Variants in AOPEP observed in about 807,000 individuals in gnomAD.
AOPEP encodes the protein aminopeptidase O.
Under a neutral mutation model 98.1 loss-of-function variants are expected in AOPEP, and 77 were observed. The observed-to-expected ratio is 0.78, with a 90% CI of 0.65 to 0.95. The LOEUF is 0.95. Ranked by LOEUF, AOPEP falls within the 40% of genes least tolerant of loss-of-function variation. The probability of loss-of-function intolerance (pLI) is 0.00; values close to 1 mark genes in which losing one functional copy is unlikely to be tolerated. For synonymous variants in AOPEP, 346 were observed against 365.3 expected (o/e 0.95, Z 0.60); for missense variants, 1,024 against 1,024.7 (o/e 1.00, Z 0.01).
At chr9:94,925,842 C>T (rs982850196) in intron 6 of AOPEP, among the ~76,000 whole-genome samples, 7 of 152,194 alleles carry the variant, frequency 4.6e-5, no homozygotes, top group East Asian at 1.9e-4. Context: ...CCCAAGCCTC[C>T]GTTTCCTCAT....
intron 9 of AOPEP, among the ~76,000 whole-genome samples, chr9:94,960,568 C>T (rs1350625273): frequency 1.3e-5 from 2 of 152,130 alleles, no homozygotes; most frequent in Admixed American, 1.3e-4. Context: ...GTAATCTTGG[C>T]TTGTTAAAGG....
At chr9:95,014,798 A>G (rs1372182994) in intron 13 of AOPEP, among the ~76,000 whole-genome samples, 2 of 152,238 alleles carry the variant, frequency 1.3e-5, no homozygotes, top group Non-Finnish European at 2.9e-5. Context: ...TTATATGTGC[A>G]TAGAGAAACA....
chr9:95,114,109 C>A, the AOPEP span: 1 of 185,416 alleles, frequency 5.4e-6, no homozygotes, highest in Non-Finnish European at 1.2e-5. Context: ...ACAAACCAAC[C>A]AACCCAGAAT....
chr9:94,888,964 G>C (rs1454683359), intron 5 of AOPEP, among the ~76,000 whole-genome samples: 2 of 152,018 alleles, frequency 1.3e-5, no homozygotes, highest in African/African-American at 4.8e-5. Context: ...TTGCCTCAAG[G>C]CTCCCTCATA....
At chr9:94,785,299 G>C (rs1844181366) in intron 3 of AOPEP, among the ~76,000 whole-genome samples, 1 of 152,200 alleles carries the variant, frequency 6.6e-6, no homozygotes, top group Admixed American at 6.5e-5. Flanking sequence ...TTCTGTTATA[G>C]CTGCAAAAAG....
chr9:94,773,740 A>C (rs923484277), intron 3 of AOPEP, among the ~76,000 whole-genome samples: 3 of 152,190 alleles, frequency 2.0e-5, no homozygotes, highest in Non-Finnish European at 2.9e-5. Context: ...TTTTCAGTGG[A>C]GATCCTGAGC....
chr9:95,078,958 G>A (rs1270297645), intron 14 of AOPEP, among the ~76,000 whole-genome samples: 1 of 152,234 alleles, frequency 6.6e-6, no homozygotes, highest in Non-Finnish European at 1.5e-5. Context: ...ACTCTTTCTT[G>A]TATAGTGTGT....
At chr9:95,051,143 G>A (rs1260961685) in intron 13 of AOPEP, among the ~76,000 whole-genome samples, 1 of 136,380 alleles carries the variant, frequency 7.3e-6, no homozygotes, top group African/African-American at 2.7e-5. Flanking sequence ...AGGCTGAAGT[G>A]CAATGGCGTG....
chr9:95,037,763 T>A (rs1254380834), intron 13 of AOPEP, among the ~76,000 whole-genome samples: 1 of 152,190 alleles, frequency 6.6e-6, no homozygotes, highest in East Asian at 1.9e-4. Flanking sequence ...CCATGCTTAC[T>A]CCTGAAGAAT....
intron 2 of AOPEP, among the ~76,000 whole-genome samples, chr9:94,771,952 G>A (rs1840985621): frequency 6.6e-6 from 1 of 152,040 alleles, no homozygotes; most frequent in African/African-American, 2.4e-5. Flanking sequence ...ACCTAGACTG[G>A]TTTCTCTTTT....
chr9:94,732,311 A>G (rs912347348), intron 1 of AOPEP, among the ~76,000 whole-genome samples: 2 of 151,430 alleles, frequency 1.3e-5, no homozygotes, highest in Non-Finnish European at 1.5e-5. Flanking sequence ...AAGAATGGGT[A>G]CTAATTCCCA....
chr9:94,934,193 A>G (rs902396806), intron 7 of AOPEP, among the ~76,000 whole-genome samples: 3 of 151,634 alleles, frequency 2.0e-5, no homozygotes, highest in Non-Finnish European at 4.4e-5. Context: ...TGCACCAGCT[A>G]CCTGAGGCCC....
intron 5 of AOPEP, among the ~76,000 whole-genome samples, chr9:94,913,023 C>T (rs867603713): frequency 2.6e-5 from 4 of 152,190 alleles, no homozygotes; most frequent in Admixed American, 6.5e-5. Context: ...CAAACAGACC[C>T]GGGTGCCTTT....
At chr9:95,005,773 G>T (rs2061965384) in intron 13 of AOPEP, among the ~76,000 whole-genome samples, 157 bp downstream of exon 13, 1 of 152,142 alleles carries the variant, frequency 6.6e-6, no homozygotes, top group African/African-American at 2.4e-5. Context: ...CAGAAATATT[G>T]GTCGATAAGG....
At chr9:94,989,787 T>C (rs971902618) in intron 11 of AOPEP, among the ~76,000 whole-genome samples, 38 of 151,604 alleles carry the variant, frequency 2.5e-4, no homozygotes, top group African/African-American at 9.0e-4. Flanking sequence ...AATTTTTGTA[T>C]TTTTATAGCG....
chr9:95,010,745 C>T (rs2062439100), intron 13 of AOPEP, among the ~76,000 whole-genome samples: 1 of 152,192 alleles, frequency 6.6e-6, no homozygotes, highest in Non-Finnish European at 1.5e-5. Flanking sequence ...ATCCCTTCCT[C>T]CCTAACTGTG....
At chr9:94,883,422 A>G (rs1214498173) in intron 5 of AOPEP, among the ~76,000 whole-genome samples, 1 of 152,240 alleles carries the variant, frequency 6.6e-6, no homozygotes, top group Non-Finnish European at 1.5e-5. Context: ...AAACAGCTGG[A>G]CTGGTTCCAG....
intron 5 of AOPEP, among the ~76,000 whole-genome samples, chr9:94,884,137 A>G (rs996715108): frequency 2.0e-5 from 3 of 152,236 alleles, no homozygotes; most frequent in East Asian, 1.9e-4. Flanking sequence ...AGAAGCCCCA[A>G]TCCGAAGCCT....
At position 95,013,417 on chromosome 9, in the gene AOPEP, T is replaced by TC. The variant is rs560773065; in HGVS notation, c.2115+7801_2115+7802insC. On this transcript the variant is annotated intron_variant, in intron 13 of 16. Coordinates refer to ENST00000375315, the MANE Select transcript of AOPEP (RefSeq NM_001193329.3). ...CTTGAAATATTATCCTTTTTTTTTT[T>TC]TTTACTTCCTGTAAATACCTGTAAG... Among the ~76,000 whole-genome samples the TC allele has an allele frequency of 4.3e-3, 652 of 151,818 alleles. 3 individuals are homozygous for TC. Among genetic ancestry groups the TC allele is most frequent in the Non-Finnish European group, 7.2e-3 (489 of 67,922 alleles).
Sources: allele counts gnomAD v4.1 joint callset (sites outside exome capture counted in the v4.1 genomes callset), GRCh38; gene constraint gnomAD v4.1.1; transcripts MANE v1.5; gene names NCBI Gene and HGNC (gene_info 2026-07-23, HGNC 2026-07-21).